Variants in DNAJC6 observed in about 807,000 individuals in gnomAD.
The protein encoded by DNAJC6 is DnaJ heat shock protein family (Hsp40) member C6, also known as auxilin.
A neutral mutation model predicts 110.0 loss-of-function variants in DNAJC6; 34 were observed. That is an observed-to-expected ratio of 0.31 (90% CI 0.24 to 0.41). DNAJC6 has a LOEUF of 0.41. Among genes scored for constraint, DNAJC6 ranks in the 10% least tolerant of loss-of-function variants. The pLI, the probability that DNAJC6 is intolerant of heterozygous loss-of-function variation, is 1.00. For synonymous variants in DNAJC6, 406 were observed against 437.2 expected (o/e 0.93, Z 0.89); for missense variants, 1,031 against 1,207.8 (o/e 0.85, Z 2.17).
intron 14 of DNAJC6, among the ~76,000 whole-genome samples, chr1:65,400,976 C>T (rs1310508602): frequency 6.6e-6 from 1 of 152,052 alleles, no homozygotes; most frequent in Non-Finnish European, 1.5e-5. Flanking sequence ...TACATCCTTG[C>T]CAACATGTTT....
chr1:65,274,264 T>C (rs1179318262), intron 1 of DNAJC6, among the ~76,000 whole-genome samples: 1 of 152,110 alleles, frequency 6.6e-6, no homozygotes, highest in East Asian at 1.9e-4. Flanking sequence ...TTTCTTTGTG[T>C]TAATAGATAC....
At chr1:65,288,893 A>T (rs1654104880) in intron 1 of DNAJC6, among the ~76,000 whole-genome samples, 1 of 152,224 alleles carries the variant, frequency 6.6e-6, no homozygotes, top group Non-Finnish European at 1.5e-5. Context: ...GAATATACTA[A>T]TTTAGTTTTT....
rs749462312 is a variant in DNAJC6 at position 65,389,462 on chromosome 1, T to C, written c.1387+13T>C. ...CTGGCCTTAGGAGGTATGAGTCACC[T>C]GATGGTTTTGTTTTTCAGGATGAAG... On this transcript the variant is annotated intron_variant, in intron 10 of 18. Transcript: ENST00000371069. 3.7e-6 allele frequency: 6 copies of C among 1,613,638 alleles called. No individual in the cohort carries two copies. The highest frequency in any genetic ancestry group is 5.1e-6 in the Non-Finnish European group (6 of 1,179,824).
chr1:65,354,793 A>T (rs1421984833), intron 1 of DNAJC6, among the ~76,000 whole-genome samples: 1 of 152,238 alleles, frequency 6.6e-6, no homozygotes, highest in African/African-American at 2.4e-5. Flanking sequence ...TTATTCTGTA[A>T]ATAAATACAC....
intron 1 of DNAJC6, among the ~76,000 whole-genome samples, chr1:65,350,978 A>T (rs1486089100): frequency 6.6e-6 from 1 of 152,144 alleles, no homozygotes; most frequent in African/African-American, 2.4e-5. Context: ...ACTCAGGGTG[A>T]ATTTCCATGC....
intron 1 of DNAJC6, among the ~76,000 whole-genome samples, chr1:65,291,934 G>A (rs141243402): frequency 8.5e-4 from 129 of 152,070 alleles, no homozygotes; most frequent in African/African-American, 3.0e-3. Flanking sequence ...CCCTCCCACC[G>A]TTGTCACTTT....
At chr1:65,312,642 C>T (rs1430873019) in intron 1 of DNAJC6, among the ~76,000 whole-genome samples, 1 of 152,124 alleles carries the variant, frequency 6.6e-6, no homozygotes, top group Admixed American at 6.6e-5. Context: ...CTTAATAATA[C>T]CTTAAACTTG....
At chr1:65,314,028 T>G (rs1321772065) in intron 1 of DNAJC6, among the ~76,000 whole-genome samples, 1 of 152,138 alleles carries the variant, frequency 6.6e-6, no homozygotes, top group Non-Finnish European at 1.5e-5. Context: ...AAGTTCATAA[T>G]GACAAACTGA....
intron 1 of DNAJC6, among the ~76,000 whole-genome samples, chr1:65,265,987 T>G (rs905959554): frequency 6.6e-6 from 1 of 152,230 alleles, no homozygotes; most frequent in Admixed American, 6.5e-5. Context: ...GAGTGCGCTG[T>G]GTTTTAAGGA....
intron 13 of DNAJC6, among the ~76,000 whole-genome samples, chr1:65,398,512 C>G (rs941124974): frequency 1.3e-5 from 2 of 152,286 alleles, no homozygotes; most frequent in South Asian, 4.1e-4. Flanking sequence ...TGGAGACAGA[C>G]ACATGCTCAA....
rs748525421 is a variant in DNAJC6, at chr1:65,366,063, T to C, written c.410T>C (p.Leu137Pro). 9.3e-6 allele frequency: 15 copies of C among 1,613,882 alleles called. No homozygotes were observed. The highest frequency in any genetic ancestry group is 6.6e-5 in the South Asian group (6 of 91,076). ...TSRIIVMSFP[L>P]DNVDIGFRNQ... ...TCTCTCCTAGTGATGTCCTTTCCTC[T>C]GGACAATGTTGACATAGGATTCAGG... The change falls in exon 4 of 19, where the codon CTG (leucine) becomes CCG (proline). Residue 137 changes from leucine (L) to proline (P), a missense_variant. Leu to Pro is a moderately conservative substitution (Grantham distance 98, BLOSUM62 -3). Transcript: ENST00000371069.
At chr1:65,264,839 C>T in exon 1 of DNAJC6, 2 of 1,601,062 alleles carry the variant, frequency 1.2e-6, no homozygotes, top group Non-Finnish European at 1.7e-6. Context: ...CTGTGAATGA[C>T]AAATCAAAAG....
At chr1:65,297,630 A>G (rs181950537) in intron 1 of DNAJC6, among the ~76,000 whole-genome samples, 127 of 152,312 alleles carry the variant, frequency 8.3e-4, no homozygotes, top group African/African-American at 2.9e-3. Context: ...CGCAGGCTGA[A>G]CTAAGTTTGG....
chr1:65,351,741 A>C (rs922370848), intron 1 of DNAJC6, among the ~76,000 whole-genome samples: 2 of 152,142 alleles, frequency 1.3e-5, no homozygotes, highest in Non-Finnish European at 2.9e-5. Context: ...TCATCCATAC[A>C]TGTGTGTGTA....
chr1:65,384,300 A>G lies in DNAJC6; in HGVS notation c.774A>G (p.Gly258=). The G allele has an allele frequency of 6.3e-7, 1 of 1,578,686 alleles. No homozygotes were observed. ...GATTGCTATATGCAAAGCGACCAGGAATTGGACTTTCACCATCCCATAGGA... is the reference window on the plus strand; with the variant it reads ...GATTGCTATATGCAAAGCGACCAGGGATTGGACTTTCACCATCCCATAGGA... ...AIRLLYAKRP[G]IGLSPSHRRY... The change falls in exon 6 of 19, where the codon GGA becomes GGG. Residue 258 remains glycine, a synonymous_variant. Coordinates refer to ENST00000371069, the MANE Select transcript of DNAJC6 (RefSeq NM_001256864.2).
chr1:65,386,002 T>C (rs1452239477), intron 7 of DNAJC6, 96 bp downstream of exon 7: 1 of 1,233,740 alleles, frequency 8.1e-7, no homozygotes, highest in Non-Finnish European at 1.1e-6. Flanking sequence ...CAAGACTATA[T>C]CATTGTGAAA....
Position 65,364,803 on chromosome 1 carries a change from A to G in DNAJC6, c.344+18A>G, listed in dbSNP as rs1159542599. ...GTGACCAGGTACGCACATTCTTCCCAGTTAATTTAGTGGATCCCCATGCTC... is the reference window on the plus strand; with the variant it reads ...GTGACCAGGTACGCACATTCTTCCCGGTTAATTTAGTGGATCCCCATGCTC... On this transcript the variant is annotated intron_variant, in intron 2 of 18. Transcript: ENST00000371069. The G allele has an allele frequency of 6.2e-7, 1 of 1,610,950 alleles. No homozygotes were observed. Among genetic ancestry groups the G allele is most frequent in the East Asian group, 2.2e-5 (1 of 44,828 alleles).
intron 1 of DNAJC6, among the ~76,000 whole-genome samples, chr1:65,277,555 G>A (rs1653711760): frequency 6.6e-6 from 1 of 152,152 alleles, no homozygotes; most frequent in South Asian, 2.1e-4. Context: ...CTTTGTTGAG[G>A]GGGAGAAGTA....
At chr1:65,376,577 A>G (rs1407742070) in intron 4 of DNAJC6, among the ~76,000 whole-genome samples, 2 of 151,402 alleles carry the variant, frequency 1.3e-5, no homozygotes, top group African/African-American at 2.4e-5. Context: ...ATGTTTTTGT[A>G]TATTTCCATT....
Sources: gnomAD v4.1 joint callset for allele counts (sites outside exome capture counted in the v4.1 genomes callset) on GRCh38, gnomAD v4.1.1 for gene constraint, MANE v1.5 for transcripts, NCBI Gene and HGNC (gene_info 2026-07-23, HGNC 2026-07-21) for gene names.